The following ZDHHC14 variants were observed in gnomAD, a reference collection of about 807,000 sequenced individuals.
The protein encoded by ZDHHC14 is zDHHC palmitoyltransferase 14.
In ZDHHC14, 16 loss-of-function variants were observed where a neutral mutation model predicts 47.7. The ratio of observed to expected loss-of-function variants is 0.34; its 90% confidence interval spans 0.23 to 0.51. ZDHHC14 has a LOEUF of 0.51. Among genes scored for constraint, ZDHHC14 ranks in the 20% least tolerant of loss-of-function variants. The pLI, the probability that ZDHHC14 is intolerant of heterozygous loss-of-function variation, is 0.97. For synonymous variants in ZDHHC14, 293 were observed against 278.9 expected, an observed-to-expected ratio of 1.05 and a Z score of -0.50; for missense variants, 515 against 662.5, an observed-to-expected ratio of 0.78 and a Z score of 2.44.
chr6:157,559,426 C>G (rs999888970), intron 2 of ZDHHC14, among the ~76,000 whole-genome samples: 15 of 152,258 alleles, frequency 9.9e-5, no homozygotes, highest in African/African-American at 3.1e-4. Context: ...TCACTTGCCT[C>G]TTTCCGTGGG....
intron 1 of ZDHHC14, among the ~76,000 whole-genome samples, chr6:157,505,989 T>A (rs1466277151): frequency 6.6e-6 from 1 of 152,222 alleles, no homozygotes; most frequent in African/African-American, 2.4e-5. Flanking sequence ...TGAGCTCTAG[T>A]GTAGATAGCA....
intron 1 of ZDHHC14, among the ~76,000 whole-genome samples, chr6:157,525,633 C>T (rs9505844): frequency 0.39 from 59,950 of 151,988 alleles, 11,972 homozygotes; most frequent in Admixed American, 0.46. Context: ...TAGTCCCAGC[C>T]CCCAGGCAAG....
At chr6:157,612,165 A>G (rs1003133940) in intron 3 of ZDHHC14, among the ~76,000 whole-genome samples, 6 of 152,190 alleles carry the variant, frequency 3.9e-5, no homozygotes, top group African/African-American at 1.4e-4. Flanking sequence ...TTTGCTTACT[A>G]GGTGGATCCC....
Position 157,528,324 on chromosome 6 carries a change from G to A in ZDHHC14, c.246-14261G>A, listed in dbSNP as rs536799779. The stretch of plus-strand genomic sequence containing the variant: ...TGTTTTTTAATCTCAGAAGTGTGTG[G>A]CTTAAAAGAAAAGTAAAGAAATGAT... On this transcript the variant is annotated intron_variant, in intron 1 of 8. Coordinates refer to ENST00000359775, the MANE Select transcript of ZDHHC14 (RefSeq NM_024630.3). 1.3e-3 allele frequency among the ~76,000 whole-genome samples: 202 copies of A among 152,220 alleles called. 1 individual carries two copies. In the Middle Eastern group the frequency reaches 0.014, roughly 10 times the overall value.
intron 2 of ZDHHC14, among the ~76,000 whole-genome samples, chr6:157,565,776 C>A (rs1366016181): frequency 1.3e-5 from 2 of 148,570 alleles, no homozygotes; most frequent in Non-Finnish European, 3.0e-5. Context: ...TGCACCACTG[C>A]ACAGGTGATG....
At chr6:157,439,887 T>C (rs980832258) in intron 1 of ZDHHC14, among the ~76,000 whole-genome samples, 1 of 152,118 alleles carries the variant, frequency 6.6e-6, no homozygotes, top group African/African-American at 2.4e-5. Flanking sequence ...GAAGCCATTA[T>C]CCTCAGCAAA....
intron 2 of ZDHHC14, 92 bp downstream of exon 2, chr6:157,542,837 G>T: frequency 6.9e-7 from 1 of 1,456,444 alleles, no homozygotes; most frequent in Non-Finnish European, 9.2e-7. Flanking sequence ...TGCAGGAGGA[G>T]CTGAGCGCTG....
chr6:157,527,612 A>G (rs1781205544), intron 1 of ZDHHC14, among the ~76,000 whole-genome samples: 1 of 152,192 alleles, frequency 6.6e-6, no homozygotes, highest in South Asian at 2.1e-4. Flanking sequence ...GTTTTGCCAC[A>G]GAGCGTATAG....
intron 1 of ZDHHC14, among the ~76,000 whole-genome samples, chr6:157,429,042 G>T (rs900173137): frequency 6.6e-6 from 1 of 152,200 alleles, no homozygotes; most frequent in African/African-American, 2.4e-5. Context: ...ACTGGAACCT[G>T]CAAGTCTGAG....
chr6:157,559,637 A>G (rs1244691760), intron 2 of ZDHHC14, among the ~76,000 whole-genome samples: 3 of 152,214 alleles, frequency 2.0e-5, no homozygotes, highest in Admixed American at 1.3e-4. Flanking sequence ...AGTTAAAGAC[A>G]TACTCCATTC....
intron 2 of ZDHHC14, among the ~76,000 whole-genome samples, chr6:157,570,697 C>T (rs1361445385): frequency 1.3e-5 from 2 of 151,896 alleles, no homozygotes; most frequent in African/African-American, 4.8e-5. Flanking sequence ...AGCTACTAAA[C>T]ACTTTCTTTT....
chr6:157,518,183 C>CT (rs1221868669), intron 1 of ZDHHC14, among the ~76,000 whole-genome samples: 1 of 151,916 alleles, frequency 6.6e-6, no homozygotes, highest in Admixed American at 6.6e-5. Context: ...GCTTTTCTTT[C>CT]TTTTTTGTGC....
intron 1 of ZDHHC14, among the ~76,000 whole-genome samples, chr6:157,534,446 T>G (rs1781469582): frequency 6.6e-6 from 1 of 152,300 alleles, no homozygotes; most frequent in East Asian, 1.9e-4. Context: ...GTCTGGACAT[T>G]AAAGAGCAAC....
chr6:157,499,225 G>A (rs1193131435), intron 1 of ZDHHC14, among the ~76,000 whole-genome samples: 1 of 152,074 alleles, frequency 6.6e-6, no homozygotes, highest in Admixed American at 6.6e-5. Context: ...TGTTTAGGCT[G>A]GCAAAATACC....
chr6:157,467,310 T>C (rs1025531182), intron 1 of ZDHHC14, among the ~76,000 whole-genome samples: 3 of 152,060 alleles, frequency 2.0e-5, no homozygotes, highest in Admixed American at 1.3e-4. Flanking sequence ...CCACCAACAG[T>C]TGCTCCCCCT....
At chr6:157,431,764 G>A (rs1778343598) in intron 1 of ZDHHC14, among the ~76,000 whole-genome samples, 1 of 143,848 alleles carries the variant, frequency 7.0e-6, no homozygotes, top group Admixed American at 7.0e-5. Context: ...GAGTCTCACT[G>A]TGTCACTCAG....
intron 1 of ZDHHC14, among the ~76,000 whole-genome samples, chr6:157,465,065 T>C (rs1481535395): frequency 4.0e-5 from 6 of 150,138 alleles, no homozygotes; most frequent in Non-Finnish European, 7.4e-5. Context: ...TAACCTACCC[T>C]GTGACATTCT....
rs1782431433 is a variant in ZDHHC14 at position 157,555,748 on chromosome 6, C to G, written c.406+13003C>G. 2.0e-5 allele frequency among the ~76,000 whole-genome samples: 3 copies of G among 152,188 alleles called. No homozygotes were observed. The South Asian group carries it at 6.2e-4, about 32-fold the overall frequency. On this transcript the variant is annotated intron_variant, in intron 2 of 8. Coordinates refer to ENST00000359775, the MANE Select transcript of ZDHHC14 (RefSeq NM_024630.3). ...AGATAATTCCTTGTTGTGGGCCCCG[C>G]ACCCCCACCCCTGTGTATTGCAGGG...
At chr6:157,653,688 A>G in intron 8 of ZDHHC14, 61 bp downstream of exon 8, 1 of 1,538,138 alleles carries the variant, frequency 6.5e-7, no homozygotes. Context: ...GCTCACTAAC[A>G]GGCCACCAAG....
Sources: gnomAD v4.1 joint callset for allele counts (sites outside exome capture counted in the v4.1 genomes callset) on GRCh38, gnomAD v4.1.1 for gene constraint, MANE v1.5 for transcripts, NCBI Gene and HGNC (gene_info 2026-07-23, HGNC 2026-07-21) for gene names.